The following PTPRD variants were observed in gnomAD, a reference collection of about 807,000 sequenced individuals.
The protein encoded by PTPRD is protein tyrosine phosphatase receptor type D.
PTPRD carries 34 observed loss-of-function variants against 214.5 expected under a neutral mutation model. The observed-to-expected ratio is 0.16, with a 90% CI of 0.12 to 0.21. PTPRD has a LOEUF of 0.21. Ranked by LOEUF, PTPRD falls within the 10% of genes least tolerant of loss-of-function variation. The pLI is 1.00. For synonymous variants in PTPRD, 1,128 were observed against 845.7 expected (o/e 1.33, Z -5.79); for missense variants, 2,545 against 2,398.7 (o/e 1.06, Z -1.27).
intron 11 of PTPRD, among the ~76,000 whole-genome samples, chr9:8,794,207 TA>T (rs2096334499): frequency 6.6e-6 from 1 of 152,156 alleles, no homozygotes; most frequent in Non-Finnish European, 1.5e-5. Context: ...TAAACTCATT[TA>T]AAAAATATCA....
At chr9:9,636,406 A>G (rs971443621) in intron 7 of PTPRD, among the ~76,000 whole-genome samples, 4 of 152,212 alleles carry the variant, frequency 2.6e-5, no homozygotes, top group Admixed American at 2.6e-4. Context: ...TTTAGATCAA[A>G]CATAGGAATT....
intron 3 of PTPRD, among the ~76,000 whole-genome samples, chr9:10,162,406 A>C (rs1180752403): frequency 6.6e-6 from 1 of 151,346 alleles, no homozygotes; most frequent in African/African-American, 2.4e-5. Context: ...ATATTAATGA[A>C]ACTGTATATC....
chr9:10,313,159 G>C (rs993981191), intron 3 of PTPRD, among the ~76,000 whole-genome samples: 1 of 151,846 alleles, frequency 6.6e-6, no homozygotes, highest in Admixed American at 6.6e-5. Context: ...ATGCTGAAAG[G>C]AGCCTACATA....
Position 8,934,464 on chromosome 9 carries a change from A to AT in PTPRD, c.-104+84232_-104+84233insA, listed in dbSNP as rs2098978647. Reference sequence around the variant, plus strand: ...ATATATATAAATTTATATATATATAAATATATATATATAAATATATATATA... The same window carrying AT: ...ATATATATAAATTTATATATATATAATATATATATATATAAATATATATATA... On this transcript the variant is annotated intron_variant, in intron 11 of 45. Coordinates refer to ENST00000381196, the MANE Select transcript of PTPRD (RefSeq NM_002839.4). Among the ~76,000 whole-genome samples the AT allele has an allele frequency of 2.7e-4, 3 of 11,092 alleles. 1 individual carries two copies. Among genetic ancestry groups the AT allele is most frequent in the East Asian group, 8.5e-3 (2 of 236 alleles). The allele number at this position is 11,092 out of a possible 152,430, so 7.3% of individuals were successfully genotyped here. A position where few individuals can be genotyped will look rare whatever the true frequency, so the allele number is the denominator to read the frequency against.
chr9:10,578,137 T>C (rs2070210827), intron 2 of PTPRD, among the ~76,000 whole-genome samples: 1 of 152,056 alleles, frequency 6.6e-6, no homozygotes, highest in Admixed American at 6.6e-5. Context: ...CTCAAACTCC[T>C]GACCTCAGGT....
intron 5 of PTPRD, among the ~76,000 whole-genome samples, chr9:9,818,690 G>A (rs554481159): frequency 6.6e-6 from 1 of 151,958 alleles, no homozygotes; most frequent in East Asian, 1.9e-4. Context: ...GGCCGAGATG[G>A]GTGGACCACG....
chr9:9,193,751 G>A (rs1320287893), intron 9 of PTPRD, among the ~76,000 whole-genome samples: 1 of 152,130 alleles, frequency 6.6e-6, no homozygotes, highest in African/African-American at 2.4e-5. Context: ...GACAGAAGCT[G>A]CCCTGGGTGA....
chr9:8,451,534 A>C (rs1430647202), intron 33 of PTPRD, among the ~76,000 whole-genome samples: 6 of 152,222 alleles, frequency 3.9e-5, no homozygotes, highest in Non-Finnish European at 8.8e-5. Flanking sequence ...GGCCAGTTTC[A>C]GAGTAGGCAA....
At chr9:10,297,844 G>A (rs1201492317) in intron 3 of PTPRD, among the ~76,000 whole-genome samples, 7 of 152,026 alleles carry the variant, frequency 4.6e-5, no homozygotes, top group African/African-American at 1.7e-4. Context: ...GTCAGCTCTA[G>A]TCCAACCACT....
At chr9:9,097,757 C>T (rs964617605) in intron 10 of PTPRD, among the ~76,000 whole-genome samples, 8 of 152,108 alleles carry the variant, frequency 5.3e-5, no homozygotes, top group Non-Finnish European at 1.0e-4. Context: ...CTATGGGTCT[C>T]ATGTTTCTAC....
At chr9:10,070,399 G>A (rs1275703735) in intron 3 of PTPRD, among the ~76,000 whole-genome samples, 1 of 151,996 alleles carries the variant, frequency 6.6e-6, no homozygotes, top group African/African-American at 2.4e-5. Flanking sequence ...ATTACAGATT[G>A]TAATTTCTTT....
At chr9:9,769,207 A>G (rs2098731413) in intron 5 of PTPRD, among the ~76,000 whole-genome samples, 1 of 151,994 alleles carries the variant, frequency 6.6e-6, no homozygotes. Context: ...TACAGGGTGG[A>G]CGATATATTT....
chr9:8,549,644 G>T (rs976220230), intron 14 of PTPRD, among the ~76,000 whole-genome samples: 7 of 152,254 alleles, frequency 4.6e-5, no homozygotes, highest in Admixed American at 4.6e-4. Context: ...AGGGGCATAT[G>T]AGAAAGTAAT....
chr9:8,648,900 C>T (rs572427789), intron 12 of PTPRD, among the ~76,000 whole-genome samples: 1 of 152,288 alleles, frequency 6.6e-6, no homozygotes, highest in South Asian at 2.1e-4. Context: ...TGCTAATTTA[C>T]TCATTAATCA....
intron 12 of PTPRD, among the ~76,000 whole-genome samples, chr9:8,684,271 T>A (rs1375934492): frequency 2.0e-5 from 3 of 152,232 alleles, no homozygotes; most frequent in Middle Eastern, 3.2e-3. Context: ...ACAAGTATTA[T>A]GTCCCAAGAA....
At chr9:10,248,839 C>T (rs780372744) in intron 3 of PTPRD, among the ~76,000 whole-genome samples, 1 of 151,446 alleles carries the variant, frequency 6.6e-6, no homozygotes, top group East Asian at 2.0e-4. Context: ...AATATGACCC[C>T]TGTACATAAG....
intron 11 of PTPRD, among the ~76,000 whole-genome samples, chr9:8,805,592 T>A (rs1471305917): frequency 6.6e-6 from 1 of 151,804 alleles, no homozygotes; most frequent in Non-Finnish European, 1.5e-5. Flanking sequence ...ACAATTTTTA[T>A]TTTTTATTAT....
chr9:10,233,442 T>A (rs969070459), intron 3 of PTPRD, among the ~76,000 whole-genome samples: 1 of 152,000 alleles, frequency 6.6e-6, no homozygotes, highest in Non-Finnish European at 1.5e-5. Context: ...TAAAAAATAA[T>A]TCTCTGCCAA....
At chr9:10,025,710 G>C (rs1417865236) in intron 4 of PTPRD, among the ~76,000 whole-genome samples, 2 of 152,126 alleles carry the variant, frequency 1.3e-5, no homozygotes, top group South Asian at 2.1e-4. Flanking sequence ...ATAAGAAATT[G>C]GATGATATTT....
Sources: gnomAD v4.1 joint callset for allele counts (sites outside exome capture counted in the v4.1 genomes callset) on GRCh38, gnomAD v4.1.1 for gene constraint, MANE v1.5 for transcripts, NCBI Gene and HGNC (gene_info 2026-07-23, HGNC 2026-07-21) for gene names.